Variants in RPL26L1 observed in about 807,000 individuals in gnomAD.
RPL26L1 encodes ribosomal protein L26 like 1, also known as ribosomal protein uL24-like.
A neutral mutation model predicts 15.2 loss-of-function variants in RPL26L1; 8 were observed. The observed-to-expected ratio is 0.53, with a 90% CI of 0.31 to 0.95. The LOEUF (loss-of-function observed/expected upper bound fraction) is 0.95, where lower values mean the gene tolerates loss of function less well. Ranked by LOEUF, RPL26L1 falls within the 40% of genes least tolerant of loss-of-function variation. The probability of loss-of-function intolerance (pLI) is 0.05; values close to 1 mark genes in which losing one functional copy is unlikely to be tolerated. For synonymous variants in RPL26L1, 51 were observed against 65.9 expected (o/e 0.77, Z 1.09); for missense variants, 146 against 190.9 (o/e 0.76, Z 1.39).
At position 172,959,930 on chromosome 5, in the gene RPL26L1, C is replaced by A. The variant is rs1428516199; in HGVS notation, c.57C>A (p.Phe19Leu). Reference sequence around the variant, plus strand: ...GCAGTAAAAACCGCAAACGTCACTTCAATGCCCCCTCACACGTGCGCAGGA... The same window carrying A: ...GCAGTAAAAACCGCAAACGTCACTTAAATGCCCCCTCACACGTGCGCAGGA... Reference protein sequence around the residue: ...SDRSKNRKRHFNAPSHVRRKI... With the variant: ...SDRSKNRKRHLNAPSHVRRKI... The change falls in exon 2 of 4, where the codon TTC becomes TTA. Residue 19 changes from phenylalanine to leucine, a missense_variant. By Grantham distance (22) the Phe-to-Leu change is conservative (BLOSUM62 0). Transcript: ENST00000265100. The A allele has an allele frequency of 1.2e-6, 2 of 1,614,228 alleles. No individual in the cohort carries two copies. The highest frequency in any genetic ancestry group is 1.1e-5 in the South Asian group (1 of 91,084).
At chr5:172,954,657 A>C (rs77368752), upstream of RPL26L1, 147 of 265,476 alleles carry the variant, frequency 5.5e-4, no homozygotes, top group African/African-American at 3.2e-3. Context: ...AGAGAACGGA[A>C]CAACTGAAGA....
upstream of RPL26L1, among the ~76,000 whole-genome samples, chr5:172,954,441 T>C (rs115485692): frequency 0.03 from 4,044 of 134,984 alleles, 203 homozygotes; most frequent in African/African-American, 0.11. Flanking sequence ...TGGTGGCCTG[T>C]AGTCCCAGCC....
chr5:172,957,141 TAA>T (rs1237327660), upstream of RPL26L1: 2 of 454,856 alleles, frequency 4.4e-6, no homozygotes, highest in Admixed American at 2.4e-5. Flanking sequence ...CCTCGAGAAA[TAA>T]AAAGACTCAC....
intron 2 of RPL26L1, among the ~76,000 whole-genome samples, chr5:172,960,901 ATTG>A (rs1303121589): frequency 9.3e-6 from 1 of 107,954 alleles, no homozygotes; most frequent in Non-Finnish European, 1.7e-5. Flanking sequence ...GGACTGGATA[ATTG>A]TTGTGGGGGG....
At chr5:172,963,892 AT>A (rs1395412808) in intron 2 of RPL26L1, among the ~76,000 whole-genome samples, 1 of 152,122 alleles carries the variant, frequency 6.6e-6, no homozygotes, top group Non-Finnish European at 1.5e-5. Flanking sequence ...GTATTTGTCT[AT>A]GTACTCATTA....
At chr5:172,969,190 AAG>A (rs1194432759) in intron 3 of RPL26L1, among the ~76,000 whole-genome samples, 26 of 152,134 alleles carry the variant, frequency 1.7e-4, no homozygotes, top group South Asian at 2.1e-4. Context: ...TCAGAGGAAT[AAG>A]AGAGAATATA....
At position 172,960,059 on chromosome 5, in the gene RPL26L1, GCTA is replaced by G; in HGVS notation, c.168+19_168+21del. 6.2e-7 allele frequency: 1 copy of G among 1,613,816 alleles called. No homozygotes were observed. Among genetic ancestry groups the G allele is most frequent in the Non-Finnish European group, 8.5e-7 (1 of 1,179,890 alleles). On this transcript the variant is annotated intron_variant, in intron 2 of 3. Transcript: ENST00000265100. Reference sequence around the variant, plus strand: ...AGGTCCAGGTACGTCTCCCTCCGGCGCTAGTGGCGCTCGGACACCGTTGCCTAA... The same window carrying G: ...AGGTCCAGGTACGTCTCCCTCCGGCGGTGGCGCTCGGACACCGTTGCCTAA...
upstream of RPL26L1, chr5:172,954,923 C>T (rs1185573794): frequency 2.2e-6 from 1 of 456,028 alleles, no homozygotes; most frequent in Non-Finnish European, 4.4e-6. Context: ...GGGTGCGTGA[C>T]AGGTTGGGAG....
intron 1 of RPL26L1, 84 bp from the exon 2 acceptor site, chr5:172,959,781 G>A: frequency 1.4e-6 from 2 of 1,448,346 alleles, no homozygotes; most frequent in South Asian, 1.2e-5. Context: ...CCTTTGTTGG[G>A]GGATGAGGAG....
intron 2 of RPL26L1, among the ~76,000 whole-genome samples, chr5:172,965,194 A>G (rs1258099945): frequency 6.6e-6 from 1 of 152,106 alleles, no homozygotes; most frequent in Non-Finnish European, 1.5e-5. Context: ...TCAAAAAAAA[A>G]AGAAAGAAAT....
chr5:172,958,348 A>T (rs192110953), upstream of RPL26L1: 422 of 456,122 alleles, frequency 9.3e-4, 2 homozygotes, highest in African/African-American at 7.8e-3. Flanking sequence ...ACACTGATAA[A>T]CTAAGAGAGA....
At chr5:172,958,457 T>C (rs1354236641), upstream of RPL26L1, 2 of 456,002 alleles carry the variant, frequency 4.4e-6, no homozygotes, top group Admixed American at 4.7e-5. Context: ...TCGTTCAACA[T>C]ATATGGAATG....
upstream of RPL26L1, chr5:172,959,284 A>C (rs1755119556): frequency 1.4e-6 from 1 of 729,684 alleles, no homozygotes; most frequent in African/African-American, 2.0e-5. Flanking sequence ...AGGCCCTTGT[A>C]CTCACTGGCA....
At chr5:172,967,819 A>G (rs1045971989) in intron 2 of RPL26L1, among the ~76,000 whole-genome samples, 5 of 150,240 alleles carry the variant, frequency 3.3e-5, no homozygotes, top group Non-Finnish European at 7.4e-5. Flanking sequence ...ATATAAGTAC[A>G]TATATGTATG....
At chr5:172,954,960 T>G (rs1336854762), upstream of RPL26L1, 1 of 441,222 alleles carries the variant, frequency 2.3e-6, no homozygotes, top group South Asian at 1.6e-5. Context: ...CAGAAATGGC[T>G]TCCCTGGGAA....
upstream of RPL26L1, chr5:172,957,248 A>G (rs1461954909): frequency 2.2e-6 from 1 of 456,298 alleles, no homozygotes; most frequent in South Asian, 1.5e-5. Context: ...CATTGTTAGA[A>G]TGACAGCCTC....
At chr5:172,962,886 T>C (rs1755296515) in intron 2 of RPL26L1, among the ~76,000 whole-genome samples, 2 of 151,906 alleles carry the variant, frequency 1.3e-5, no homozygotes, top group Non-Finnish European at 2.9e-5. Context: ...TACATTTTAC[T>C]GTATGTAAAT....
chr5:172,960,155 A>G, intron 2 of RPL26L1, 114 bp downstream of exon 2: 3 of 1,253,458 alleles, frequency 2.4e-6, no homozygotes, highest in Non-Finnish European at 2.3e-6. Context: ...GTGACCCTTC[A>G]GATGTGTTAG....
intron 2 of RPL26L1, among the ~76,000 whole-genome samples, chr5:172,967,831 A>G (rs898629256): frequency 7.3e-5 from 11 of 149,970 alleles, no homozygotes; most frequent in African/African-American, 2.5e-4. Flanking sequence ...ATATGTATGT[A>G]TGACATATAT....
Sources: allele counts gnomAD v4.1 joint callset (sites outside exome capture counted in the v4.1 genomes callset), GRCh38; gene constraint gnomAD v4.1.1; transcripts MANE v1.5; gene names NCBI Gene and HGNC (gene_info 2026-07-23, HGNC 2026-07-21).